Variants in CLYBL observed in about 807,000 individuals in gnomAD.
CLYBL encodes citramalyl-CoA lyase.
A neutral mutation model predicts 38.9 loss-of-function variants in CLYBL; 31 were observed. That is an observed-to-expected ratio of 0.80 (90% CI 0.60 to 1.08). The LOEUF is 1.08. Among genes scored for constraint, CLYBL ranks in the 50% least tolerant of loss-of-function variants. The pLI is 0.00. For synonymous variants in CLYBL, 171 were observed against 158.6 expected (o/e 1.08, Z -0.59); for missense variants, 434 against 411.6 (o/e 1.05, Z -0.47).
intron 1 of CLYBL, among the ~76,000 whole-genome samples, chr13:99,761,537 C>T (rs1217647301): frequency 6.6e-6 from 1 of 152,274 alleles, no homozygotes; most frequent in South Asian, 2.1e-4. Context: ...ATTTTACACA[C>T]ACACATTCAC....
intron 1 of CLYBL, among the ~76,000 whole-genome samples, chr13:99,705,888 T>C (rs2048139208): frequency 6.6e-6 from 1 of 152,076 alleles, no homozygotes; most frequent in Admixed American, 6.6e-5. Context: ...ATGGTTCAAA[T>C]GCTAAATTGT....
chr13:99,742,733 G>A (rs942327633), intron 1 of CLYBL, among the ~76,000 whole-genome samples: 3 of 152,262 alleles, frequency 2.0e-5, no homozygotes, highest in East Asian at 1.9e-4. Flanking sequence ...TTGAATTTTC[G>A]GAAAGCCTTT....
At chr13:99,829,397 C>T (rs12870132) in intron 2 of CLYBL, among the ~76,000 whole-genome samples, 7,480 of 152,292 alleles carry the variant, frequency 0.049, 254 homozygotes, top group South Asian at 0.09. Flanking sequence ...CAAAAAGATC[C>T]GCCATCTGGG....
At chr13:99,797,007 A>G (rs1170378998) in intron 2 of CLYBL, among the ~76,000 whole-genome samples, 4 of 152,212 alleles carry the variant, frequency 2.6e-5, no homozygotes, top group Admixed American at 6.5e-5. Context: ...TTCAGCAAAT[A>G]TTTTATGAAT....
intron 2 of CLYBL, among the ~76,000 whole-genome samples, chr13:99,810,644 G>A (rs1639628561): frequency 6.6e-6 from 1 of 152,116 alleles, no homozygotes; most frequent in Non-Finnish European, 1.5e-5. Flanking sequence ...GGTAATGGAA[G>A]GCTACTAAGG....
At chr13:99,765,277 T>G (rs1207322503) in intron 1 of CLYBL, among the ~76,000 whole-genome samples, 1 of 152,230 alleles carries the variant, frequency 6.6e-6, no homozygotes, top group Non-Finnish European at 1.5e-5. Context: ...CATTGAGAAC[T>G]GCCAGACACA....
At chr13:99,794,163 G>A (rs1001795821) in intron 2 of CLYBL, among the ~76,000 whole-genome samples, 1 of 152,322 alleles carries the variant, frequency 6.6e-6, no homozygotes, top group South Asian at 2.1e-4. Flanking sequence ...GCTCATGCCT[G>A]TAATCCCAGC....
intron 7 of CLYBL, among the ~76,000 whole-genome samples, chr13:99,879,044 C>T (rs950343783): frequency 3.3e-5 from 5 of 152,148 alleles, no homozygotes; most frequent in Non-Finnish European, 5.9e-5. Context: ...AGATAACTGG[C>T]ACACACATGC....
intron 1 of CLYBL, among the ~76,000 whole-genome samples, chr13:99,683,059 T>TTATATATA (rs369963152): frequency 3.8e-4 from 57 of 149,506 alleles, no homozygotes; most frequent in Middle Eastern, 3.5e-3. Context: ...TTTATAAACT[T>TTATATATA]TATATATATA....
chr13:99,678,048 A>G (rs1481552415), intron 1 of CLYBL, among the ~76,000 whole-genome samples: 1 of 152,218 alleles, frequency 6.6e-6, no homozygotes, highest in Non-Finnish European at 1.5e-5. Context: ...TTCACTTAAG[A>G]TGGTTTACAT....
intron 2 of CLYBL, among the ~76,000 whole-genome samples, chr13:99,837,056 A>G (rs1322949289): frequency 5.9e-5 from 9 of 151,702 alleles, no homozygotes; most frequent in African/African-American, 1.9e-4. Flanking sequence ...AAAAAAAAGG[A>G]GAGTTGGCCT....
At chr13:99,901,001 A>G (rs767818537), downstream of CLYBL, among the ~76,000 whole-genome samples, 3 of 152,170 alleles carry the variant, frequency 2.0e-5, no homozygotes, top group Admixed American at 6.5e-5. Flanking sequence ...CAGACTCAAC[A>G]TGCCCCTGCA....
At chr13:99,742,535 C>T (rs948035311) in intron 1 of CLYBL, among the ~76,000 whole-genome samples, 2 of 152,178 alleles carry the variant, frequency 1.3e-5, no homozygotes, top group African/African-American at 4.8e-5. Flanking sequence ...TTAAGCTCTT[C>T]TTGGCTTTAA....
At chr13:99,671,664 C>T (rs1477738852) in intron 1 of CLYBL, among the ~76,000 whole-genome samples, 3 of 151,788 alleles carry the variant, frequency 2.0e-5, no homozygotes, top group Non-Finnish European at 2.9e-5. Context: ...CCTGTAATCC[C>T]AGCTACTCGG....
At chr13:99,679,922 T>C (rs1320634890) in intron 1 of CLYBL, among the ~76,000 whole-genome samples, 1 of 152,190 alleles carries the variant, frequency 6.6e-6, no homozygotes, top group Admixed American at 6.5e-5. Context: ...GAGCTATGTA[T>C]GTTACTGTCT....
At chr13:99,720,436 T>A (rs2048376919) in intron 1 of CLYBL, among the ~76,000 whole-genome samples, 1 of 152,214 alleles carries the variant, frequency 6.6e-6, no homozygotes, top group Non-Finnish European at 1.5e-5. Context: ...GCTGGCTCAT[T>A]TAGATTTACT....
At chr13:99,707,955 A>G (rs778496334) in intron 1 of CLYBL, among the ~76,000 whole-genome samples, 3 of 151,880 alleles carry the variant, frequency 2.0e-5, no homozygotes, top group Non-Finnish European at 4.4e-5. Context: ...GGACTTAGGG[A>G]CTCTACAAGA....
intron 1 of CLYBL, among the ~76,000 whole-genome samples, chr13:99,717,705 C>T (rs2048339540): frequency 6.6e-6 from 1 of 151,920 alleles, no homozygotes; most frequent in African/African-American, 2.4e-5. Flanking sequence ...AGTGATCCTC[C>T]CACCTCAGCC....
chr13:99,813,732 C>T (rs953738933), intron 2 of CLYBL, among the ~76,000 whole-genome samples: 5 of 152,140 alleles, frequency 3.3e-5, no homozygotes, highest in Admixed American at 2.0e-4. Flanking sequence ...AAATGCTTAA[C>T]GTAATGCCTG....
Sources: allele counts gnomAD v4.1 joint callset (sites outside exome capture counted in the v4.1 genomes callset), GRCh38; gene constraint gnomAD v4.1.1; transcripts MANE v1.5; gene names NCBI Gene and HGNC (gene_info 2026-07-23, HGNC 2026-07-21).